The following TET2 variants were observed in gnomAD, a reference collection of about 807,000 sequenced individuals.
TET2 encodes the protein tet methylcytosine dioxygenase 2.
Under a neutral mutation model 142.9 loss-of-function variants are expected in TET2, and 299 were observed. That is an observed-to-expected ratio of 2.09 (90% CI 1.90 to 2.30). The LOEUF (loss-of-function observed/expected upper bound fraction) is 2.30, where lower values mean the gene tolerates loss of function less well. TET2 is among the 30% of genes most tolerant of loss of function. TET2 has a pLI of 0.00. For synonymous variants in TET2, 819 were observed against 849.0 expected (o/e 0.96, Z 0.61); for missense variants, 2,418 against 2,378.0 (o/e 1.02, Z -0.35).
chr4:105,224,815 A>C (rs1728085777), intron 2 of TET2, among the ~76,000 whole-genome samples: 1 of 150,300 alleles, frequency 6.7e-6, no homozygotes, highest in African/African-American at 2.5e-5. Context: ...ATTTATGTTA[A>C]ATTGCCTGGT....
intron 6 of TET2, among the ~76,000 whole-genome samples, chr4:105,252,408 A>T (rs931993047): frequency 1.3e-5 from 2 of 152,182 alleles, no homozygotes; most frequent in Admixed American, 1.3e-4. Flanking sequence ...CAGTTGATTT[A>T]TCCATTCACA....
At chr4:105,163,836 AGAGAGAGAGAGAGAGAGAG>A (rs1471831185) in intron 1 of TET2, among the ~76,000 whole-genome samples, 18 of 123,846 alleles carry the variant, frequency 1.5e-4, no homozygotes, top group African/African-American at 6.0e-4. Flanking sequence ...AGAGAGAGAG[AGAGAGAGAGAGAGAGAGAG>A]TGTGTGTGTG....
chr4:105,154,927 A>G (rs943866077), intron 1 of TET2, among the ~76,000 whole-genome samples: 1 of 152,060 alleles, frequency 6.6e-6, no homozygotes, highest in Admixed American at 6.6e-5. Context: ...TGTGGGGCTG[A>G]GGCGGGAGGA....
At chr4:105,199,112 A>G (rs1726280924) in intron 2 of TET2, among the ~76,000 whole-genome samples, 1 of 152,226 alleles carries the variant, frequency 6.6e-6, no homozygotes, top group Non-Finnish European at 1.5e-5. Flanking sequence ...AAGTTGAGCA[A>G]GAATCTGTCA....
chr4:105,228,923 G>A (rs1425066630), intron 2 of TET2, among the ~76,000 whole-genome samples: 1 of 152,110 alleles, frequency 6.6e-6, no homozygotes, highest in African/African-American at 2.4e-5. Flanking sequence ...AAAAGCCATT[G>A]TCTCACCCAA....
rs1206510081 is a variant in TET2 at position 105,247,714 on chromosome 4, C to CTTTTTTT, written c.3803+3955_3803+3961dup. On this transcript the variant is annotated intron_variant, in intron 6 of 10. Transcript: ENST00000380013. ...TAGTTTGACTGGTTCTTTTTCTTTT[C>CTTTTTTT]TTTTTTTTTTTTTTTTTTTTTTTTT... Among the ~76,000 whole-genome samples the CTTTTTTT allele has an allele frequency of 3.5e-3, 226 of 65,314 alleles. 8 individuals are homozygous for CTTTTTTT. The highest frequency in any genetic ancestry group is 0.011 in the African/African-American group (182 of 16,154). The allele number at this position is 65,314 out of a possible 152,430, so 42.8% of individuals were successfully genotyped here.
chr4:105,220,621 G>A (rs1225542192), intron 2 of TET2, among the ~76,000 whole-genome samples: 1 of 152,144 alleles, frequency 6.6e-6, no homozygotes, highest in Non-Finnish European at 1.5e-5. Context: ...GGCTCCTTAA[G>A]CACCTGAACA....
intron 2 of TET2, among the ~76,000 whole-genome samples, chr4:105,226,626 T>C (rs1157869357): frequency 6.7e-6 from 1 of 150,326 alleles, no homozygotes; most frequent in Non-Finnish European, 1.5e-5. Flanking sequence ...TCCCTCCCTC[T>C]GTCCTTCCCT....
At chr4:105,260,777 TAA>T (rs1480024255) in intron 7 of TET2, among the ~76,000 whole-genome samples, 6 of 152,162 alleles carry the variant, frequency 3.9e-5, no homozygotes, top group Admixed American at 1.3e-4. Flanking sequence ...TTTCAATAAT[TAA>T]AGTTTACTTA....
At chr4:105,254,181 T>C (rs1730009589) in intron 6 of TET2, among the ~76,000 whole-genome samples, 1 of 152,218 alleles carries the variant, frequency 6.6e-6, no homozygotes, top group Non-Finnish European at 1.5e-5. Context: ...TTAATTGAGA[T>C]TGTAGAGAAT....
chr4:105,180,944 A>T (rs1725087504), intron 1 of TET2, among the ~76,000 whole-genome samples: 1 of 152,038 alleles, frequency 6.6e-6, no homozygotes, highest in African/African-American at 2.4e-5. Flanking sequence ...TGGCCCTTTT[A>T]TCTTTCTTTT....
chr4:105,159,004 T>G (rs925523902), intron 1 of TET2, among the ~76,000 whole-genome samples: 4 of 152,010 alleles, frequency 2.6e-5, no homozygotes, highest in African/African-American at 9.7e-5. Flanking sequence ...GCAGCAGTAT[T>G]TACAAACACC....
In TET2 at chr4:105,269,751, A is replaced by G. The variant is rs1009260872; in HGVS notation, c.4182+4A>G. On this transcript the variant is annotated splice_donor_region_variant and intron_variant, in intron 9 of 10. Coordinates refer to ENST00000380013, the MANE Select transcript of TET2 (RefSeq NM_001127208.3). ...CATGCAGAATGGCAGCACATTGGTA[A>G]GTTGGGCTGAGGACAGCTTAGCAGC... 1.9e-6 allele frequency: 3 copies of G among 1,551,454 alleles called. No homozygotes were observed. Among genetic ancestry groups the G allele is most frequent in the Middle Eastern group, 1.7e-4 (1 of 6,012 alleles).
chr4:105,195,911 G>T (rs1726062222), intron 2 of TET2, among the ~76,000 whole-genome samples: 1 of 152,074 alleles, frequency 6.6e-6, no homozygotes, highest in South Asian at 2.1e-4. Context: ...ATCTTCTCAA[G>T]ATCTTGACTC....
At chr4:105,201,304 G>A (rs1240864520) in intron 2 of TET2, among the ~76,000 whole-genome samples, 1 of 152,084 alleles carries the variant, frequency 6.6e-6, no homozygotes, top group East Asian at 1.9e-4. Context: ...TGTAATTTAG[G>A]AATTGTTTTC....
intron 3 of TET2, 76 bp downstream of exon 3, chr4:105,237,427 CCTT>C (rs1187130213): frequency 6.8e-6 from 11 of 1,613,718 alleles, no homozygotes; most frequent in Non-Finnish European, 7.6e-6. Context: ...ATGGGATTTT[CCTT>C]CTTTTTTTAA....
chr4:105,271,976 G>T (rs1730984728), intron 9 of TET2, among the ~76,000 whole-genome samples: 1 of 152,078 alleles, frequency 6.6e-6, no homozygotes, highest in African/African-American at 2.4e-5. Flanking sequence ...ATAGTATTAA[G>T]TTGCATATTA....
intron 6 of TET2, among the ~76,000 whole-genome samples, chr4:105,251,966 G>A (rs1729889281): frequency 6.6e-6 from 1 of 152,180 alleles, no homozygotes; most frequent in Non-Finnish European, 1.5e-5. Flanking sequence ...TATGTGCATA[G>A]CCTCCCTCAT....
chr4:105,224,683 A>ACTCTCTCTCTCTCT, intron 2 of TET2, among the ~76,000 whole-genome samples: 2 of 35,420 alleles, frequency 5.6e-5, no homozygotes, highest in Non-Finnish European at 1.3e-4. Flanking sequence ...CATATCAGCC[A>ACTCTCTCTCTCTCT]GTCTCTCTCT....
Sources: gnomAD v4.1 joint callset for allele counts (sites outside exome capture counted in the v4.1 genomes callset) on GRCh38, gnomAD v4.1.1 for gene constraint, MANE v1.5 for transcripts, NCBI Gene and HGNC (gene_info 2026-07-23, HGNC 2026-07-21) for gene names.